The following KCTD8 variants were observed in gnomAD, a reference collection of about 807,000 sequenced individuals.
KCTD8 encodes BTB/POZ domain-containing protein KCTD8.
KCTD8 carries 27 observed loss-of-function variants against 31.5 expected under a neutral mutation model. The observed-to-expected ratio is 0.86, with a 90% CI of 0.63 to 1.18. The LOEUF is 1.18. Among genes scored for constraint, KCTD8 ranks in the 50% most tolerant of loss-of-function variants. The pLI is 0.00. For missense variants in KCTD8, 658 were observed against 647.7 expected, an observed-to-expected ratio of 1.02 and a Z score of -0.17; for synonymous variants, 290 against 280.0, an observed-to-expected ratio of 1.04 and a Z score of -0.36.
chr4:44,374,696 TGAGAGATGTG>T (rs1276321180), intron 1 of KCTD8, among the ~76,000 whole-genome samples: 1 of 151,886 alleles, frequency 6.6e-6, no homozygotes, highest in Non-Finnish European at 1.5e-5. Context: ...GAGGTGAGGG[TGAGAGATGTG>T]GGGGGAGGCT....
intron 1 of KCTD8, among the ~76,000 whole-genome samples, chr4:44,372,828 T>C (rs1163415235): frequency 2.6e-5 from 4 of 152,184 alleles, no homozygotes; most frequent in African/African-American, 9.6e-5. Flanking sequence ...CGATTACAAG[T>C]TGCATGCTTG....
At chr4:44,367,161 T>C (rs1719661705) in intron 1 of KCTD8, among the ~76,000 whole-genome samples, 1 of 152,124 alleles carries the variant, frequency 6.6e-6, no homozygotes, top group Non-Finnish European at 1.5e-5. Context: ...AGTTAACTTC[T>C]GCTTATCCTC....
intron 1 of KCTD8, among the ~76,000 whole-genome samples, chr4:44,338,694 T>C (rs1718818244): frequency 1.3e-5 from 2 of 152,214 alleles, no homozygotes; most frequent in Non-Finnish European, 1.5e-5. Context: ...AGAAGTTTTC[T>C]GAAATTTGTG....
chr4:44,229,593 T>C (rs1219968239), intron 1 of KCTD8, among the ~76,000 whole-genome samples: 6 of 152,148 alleles, frequency 3.9e-5, no homozygotes, highest in African/African-American at 1.2e-4. Context: ...GGTCAGCCTA[T>C]ATAGTCCTAG....
At chr4:44,291,559 C>A (rs975646326) in intron 1 of KCTD8, among the ~76,000 whole-genome samples, 5 of 151,978 alleles carry the variant, frequency 3.3e-5, no homozygotes, top group Non-Finnish European at 7.4e-5. Flanking sequence ...CGACATTGAT[C>A]TTGGCTAAGA....
At chr4:44,383,966 C>G (rs114154121) in intron 1 of KCTD8, among the ~76,000 whole-genome samples, 3,137 of 151,784 alleles carry the variant, frequency 0.021, 120 homozygotes, top group African/African-American at 0.072. Flanking sequence ...TTCAACTCAA[C>G]AGCAAATAAC....
At chr4:44,409,343 G>GA (rs914276418) in intron 1 of KCTD8, among the ~76,000 whole-genome samples, 1 of 152,016 alleles carries the variant, frequency 6.6e-6, no homozygotes, top group Non-Finnish European at 1.5e-5. Context: ...AAGACCCTAG[G>GA]AAAAATCTGT....
chr4:44,187,531 C>A (rs1184931215), intron 1 of KCTD8, among the ~76,000 whole-genome samples: 1 of 152,230 alleles, frequency 6.6e-6, no homozygotes, highest in Non-Finnish European at 1.5e-5. Flanking sequence ...CATTCTTTAT[C>A]ACTGACATTG....
At chr4:44,217,746 C>T (rs912953211) in intron 1 of KCTD8, among the ~76,000 whole-genome samples, 3 of 152,188 alleles carry the variant, frequency 2.0e-5, no homozygotes, top group Non-Finnish European at 4.4e-5. Context: ...ATGCTTCCAT[C>T]CATTCTTCCT....
intron 1 of KCTD8, among the ~76,000 whole-genome samples, chr4:44,242,559 A>C (rs191964621): frequency 8.3e-4 from 126 of 152,056 alleles, no homozygotes; most frequent in Admixed American, 2.2e-3. Context: ...GACTGGGCGA[A>C]AGGGCGGGAT....
chr4:44,375,217 G>A lies in KCTD8; in HGVS notation c.961+72346C>T, dbSNP rs543994302. Among the ~76,000 whole-genome samples, 45 of 152,228 alleles carry A rather than the reference G, an allele frequency of 3.0e-4. 2 individuals carry two copies. The highest frequency in any genetic ancestry group is 2.0e-3 in the Admixed American group (31 of 15,274). On this transcript the variant is annotated intron_variant, in intron 1 of 1. Coordinates refer to ENST00000360029, the MANE Select transcript of KCTD8 (RefSeq NM_198353.3). Reference sequence around the variant, plus strand: ...AGATGAGCAGGGGCGGCCTGCTGAGGAACAAAAGGTGTATGCTGGGAGTGT... The same window carrying A: ...AGATGAGCAGGGGCGGCCTGCTGAGAAACAAAAGGTGTATGCTGGGAGTGT...
intron 1 of KCTD8, among the ~76,000 whole-genome samples, chr4:44,341,112 A>G (rs1718885776): frequency 6.6e-6 from 1 of 152,228 alleles, no homozygotes; most frequent in South Asian, 2.1e-4. Flanking sequence ...TCCCAGAAGC[A>G]TATTAATGTT....
intron 1 of KCTD8, among the ~76,000 whole-genome samples, chr4:44,255,782 G>T (rs1163102173): frequency 1.3e-5 from 2 of 151,796 alleles, no homozygotes; most frequent in Admixed American, 1.3e-4. Flanking sequence ...GAAGAATAAT[G>T]AATATTTTAG....
intron 1 of KCTD8, among the ~76,000 whole-genome samples, chr4:44,430,693 C>T (rs1434042556): frequency 1.3e-5 from 2 of 151,610 alleles, no homozygotes. Flanking sequence ...TGTAAAAATT[C>T]TCATGGATTT....
intron 1 of KCTD8, among the ~76,000 whole-genome samples, chr4:44,207,441 T>G (rs1305517789): frequency 6.6e-6 from 1 of 152,176 alleles, no homozygotes; most frequent in Non-Finnish European, 1.5e-5. Flanking sequence ...CATTTCTCCC[T>G]TTACCCCATT....
intron 1 of KCTD8, among the ~76,000 whole-genome samples, chr4:44,383,533 T>C (rs1720129995): frequency 6.6e-6 from 1 of 152,036 alleles, no homozygotes; most frequent in Admixed American, 6.6e-5. Flanking sequence ...CAAGTGATTT[T>C]CAACAACAGT....
At chr4:44,199,304 T>C (rs761816141) in intron 1 of KCTD8, among the ~76,000 whole-genome samples, 2 of 152,066 alleles carry the variant, frequency 1.3e-5, no homozygotes, top group Non-Finnish European at 2.9e-5. Flanking sequence ...TTGGACCAAA[T>C]AGATACCTAT....
At position 44,323,701 on chromosome 4, in the gene KCTD8, A is replaced by T. The variant is rs184730206; in HGVS notation, c.961+123862T>A. 9.7e-4 allele frequency among the ~76,000 whole-genome samples: 147 copies of T among 151,886 alleles called. 2 individuals carry two copies. The highest frequency in any genetic ancestry group is 6.8e-3 in the Middle Eastern group (2 of 294). ...AAAAACCACAATTACTTTTGTACCAACCTAATAGTTTTCATGTATTTGTTT... is the reference window on the plus strand; with the variant it reads ...AAAAACCACAATTACTTTTGTACCATCCTAATAGTTTTCATGTATTTGTTT... On this transcript the variant is annotated intron_variant, in intron 1 of 1. Transcript: ENST00000360029.
At chr4:44,262,899 G>A (rs1213673058) in intron 1 of KCTD8, among the ~76,000 whole-genome samples, 2 of 152,112 alleles carry the variant, frequency 1.3e-5, no homozygotes, top group African/African-American at 2.4e-5. Flanking sequence ...ATTTCAAAAT[G>A]AGACTTTCTG....
Sources: allele counts gnomAD v4.1 joint callset (sites outside exome capture counted in the v4.1 genomes callset), GRCh38; gene constraint gnomAD v4.1.1; transcripts MANE v1.5; gene names NCBI Gene and HGNC (gene_info 2026-07-23, HGNC 2026-07-21).